GPR158: variants seen among roughly 807,000 people sequenced by gnomAD.
GPR158 encodes G protein-coupled receptor 158.
In GPR158, 30 loss-of-function variants were observed where a neutral mutation model predicts 78.2. The ratio of observed to expected loss-of-function variants is 0.38; its 90% CI spans 0.29 to 0.52. The LOEUF (loss-of-function observed/expected upper bound fraction) is 0.52. Among genes scored for constraint, GPR158 ranks in the 20% least tolerant of loss-of-function variants. The pLI, the probability that GPR158 is intolerant of heterozygous loss-of-function variation, is 0.83. For synonymous variants in GPR158, 581 were observed against 591.1 expected, an observed-to-expected ratio of 0.98 and a Z score of 0.25; for missense variants, 1,463 against 1,523.5, an observed-to-expected ratio of 0.96 and a Z score of 0.66.
chr10:25,352,747 C>T (rs1192516120), intron 2 of GPR158, among the ~76,000 whole-genome samples: 1 of 151,980 alleles, frequency 6.6e-6, no homozygotes. Flanking sequence ...AGTTTGTTTA[C>T]AAACCATTTA....
chr10:25,567,444 G>C (rs1836944989), intron 6 of GPR158, among the ~76,000 whole-genome samples: 2 of 152,276 alleles, frequency 1.3e-5, no homozygotes, highest in African/African-American at 4.8e-5. Flanking sequence ...GTCTGGGTGG[G>C]ATCTAAGAGT....
At chr10:25,263,002 T>C (rs113556624) in intron 2 of GPR158, among the ~76,000 whole-genome samples, 8,958 of 152,226 alleles carry the variant, frequency 0.059, 292 homozygotes, top group African/African-American at 0.083. Flanking sequence ...GTGGCTTCTC[T>C]TTTTATTTTC....
chr10:25,282,513 G>C (rs1854290053), intron 2 of GPR158, among the ~76,000 whole-genome samples: 1 of 152,084 alleles, frequency 6.6e-6, no homozygotes, highest in Non-Finnish European at 1.5e-5. Flanking sequence ...CTGGCATATA[G>C]TAAATGAGTG....
chr10:25,195,734 C>A (rs1171278196), intron 1 of GPR158, among the ~76,000 whole-genome samples: 4 of 151,724 alleles, frequency 2.6e-5, no homozygotes, highest in African/African-American at 9.7e-5. Context: ...TTTTTTTCAC[C>A]CTATGGAACA....
At chr10:25,561,881 TAC>T (rs765123646) in intron 6 of GPR158, among the ~76,000 whole-genome samples, 51 of 152,162 alleles carry the variant, frequency 3.4e-4, no homozygotes, top group Non-Finnish European at 6.2e-4. Flanking sequence ...AAAATAGTCA[TAC>T]CGCAGGTAAG....
At chr10:25,474,032 T>C (rs72782141) in intron 5 of GPR158, among the ~76,000 whole-genome samples, 2,622 of 151,932 alleles carry the variant, frequency 0.017, 36 homozygotes, top group Non-Finnish European at 0.024. Context: ...GGATCCTAAG[T>C]GAAAAGAGGG....
intron 4 of GPR158, among the ~76,000 whole-genome samples, chr10:25,461,884 A>G (rs1360238410): frequency 6.6e-6 from 1 of 151,858 alleles, no homozygotes; most frequent in Admixed American, 6.6e-5. Context: ...GGTGCCTGCC[A>G]CCACGCCCGG....
chr10:25,418,088 G>C (rs4749022), intron 4 of GPR158, among the ~76,000 whole-genome samples: 106,364 of 152,062 alleles, frequency 0.7, 38,215 homozygotes, highest in Non-Finnish European at 0.8. Context: ...TTTTGGGCAG[G>C]AAGCAAATAT....
chr10:25,176,427 C>A lies in GPR158; in HGVS notation c.902+105C>A. 4 of 924,882 alleles carry A rather than the reference C, an allele frequency of 4.3e-6. No individual in the cohort carries two copies. Among genetic ancestry groups the A allele is most frequent in the Admixed American group, 2.9e-5 (1 of 34,216 alleles). The allele number at this position is 924,882 out of a possible 1,614,324, so 57.3% of individuals were successfully genotyped here. On this transcript the variant is annotated intron_variant, in intron 1 of 10. Transcript: ENST00000376351. This position sits in a 1 kb window ranked among gnomAD's most constrained non-coding sequence, Gnocchi z 6.3. ...AAGGAACCCTTGGCTGTGACGCGAA[C>A]GCTTCTCACCCTCAGAGTAGAGACC... is the stretch of plus-strand genomic sequence containing the variant.
chr10:25,420,326 A>T (rs1240484329), intron 4 of GPR158, among the ~76,000 whole-genome samples: 1 of 151,246 alleles, frequency 6.6e-6, no homozygotes, highest in African/African-American at 2.4e-5. Context: ...TTTTTGAAAC[A>T]TTTTTTTGTA....
At chr10:25,495,970 C>G (rs1835875686) in intron 5 of GPR158, among the ~76,000 whole-genome samples, 1 of 151,814 alleles carries the variant, frequency 6.6e-6, no homozygotes, top group African/African-American at 2.4e-5. Context: ...TCCTAACATC[C>G]CTGTTCTCAA....
At chr10:25,364,379 G>A (rs1404846951) in intron 2 of GPR158, among the ~76,000 whole-genome samples, 1 of 151,836 alleles carries the variant, frequency 6.6e-6, no homozygotes, top group Non-Finnish European at 1.5e-5. Flanking sequence ...TCATTCAACA[G>A]TATCCTCAAA....
intron 5 of GPR158, among the ~76,000 whole-genome samples, chr10:25,497,979 A>G (rs11014579): frequency 0.15 from 22,776 of 152,104 alleles, 2,828 homozygotes; most frequent in African/African-American, 0.33. Context: ...TTGATCTTGG[A>G]CCAGTTTAGC....
intron 2 of GPR158, among the ~76,000 whole-genome samples, chr10:25,342,415 T>A (rs1830526947): frequency 6.6e-6 from 1 of 151,988 alleles, no homozygotes; most frequent in African/African-American, 2.4e-5. Context: ...TATTCTTTAA[T>A]AAGCCACAGA....
intron 2 of GPR158, among the ~76,000 whole-genome samples, chr10:25,237,024 A>T (rs11014453): frequency 0.12 from 18,804 of 152,202 alleles, 1,446 homozygotes; most frequent in East Asian, 0.31. Flanking sequence ...AGAAATTAAT[A>T]TAGATTACCT....
intron 2 of GPR158, among the ~76,000 whole-genome samples, chr10:25,308,446 T>C (rs1047792238): frequency 3.9e-5 from 6 of 152,172 alleles, no homozygotes; most frequent in Non-Finnish European, 7.3e-5. Flanking sequence ...TGTCTTTTTA[T>C]GTGGTTATGA....
chr10:25,234,606 T>A (rs1400938506), intron 2 of GPR158, among the ~76,000 whole-genome samples: 1 of 152,228 alleles, frequency 6.6e-6, no homozygotes, highest in Non-Finnish European at 1.5e-5. Context: ...TAAATCTAAA[T>A]TGAAAATCAT....
rs1241054710 is a variant in GPR158, at chr10:25,241,406, C to CTT, written c.1008+20250_1008+20251dup. 2.9e-5 allele frequency among the ~76,000 whole-genome samples: 4 copies of CTT among 139,334 alleles called. No homozygotes were observed. The East Asian group carries it at 8.1e-4, about 28-fold the overall frequency. 91.4% of individuals were successfully genotyped at this position (139,334 alleles called of 152,430 possible). A position where few individuals can be genotyped will look rare whatever the true frequency, so the allele number is the denominator to read the frequency against. On this transcript the variant is annotated intron_variant, in intron 2 of 10. Coordinates refer to ENST00000376351, the MANE Select transcript of GPR158 (RefSeq NM_020752.3). ...CTTCTCTTCTCTTCTCTTCTCTTCTCTTCTCTTTTCTTTTCTTTTCTTTTC... is the reference window on the plus strand; with the variant it reads ...CTTCTCTTCTCTTCTCTTCTCTTCTCTTTTCTCTTTTCTTTTCTTTTCTTTTC...
chr10:25,358,482 T>C (rs1325682225), intron 2 of GPR158, among the ~76,000 whole-genome samples: 1 of 152,056 alleles, frequency 6.6e-6, no homozygotes, highest in Non-Finnish European at 1.5e-5. Flanking sequence ...GGGCAGGTCT[T>C]TCCTGTGCTG....
Sources: gnomAD v4.1 joint callset for allele counts (sites outside exome capture counted in the v4.1 genomes callset) on GRCh38, gnomAD v4.1.1 for gene constraint, Gnocchi (gnomAD v3.1) non-coding constraint, MANE v1.5 for transcripts, NCBI Gene and HGNC (gene_info 2026-07-23, HGNC 2026-07-21) for gene names.